Variants in PPP1R1C observed in about 807,000 individuals in gnomAD.
PPP1R1C encodes the protein protein phosphatase 1 regulatory inhibitor subunit 1C, also known as protein phosphatase 1 regulatory subunit 1C.
A neutral mutation model predicts 17.4 loss-of-function variants in PPP1R1C; 15 were observed. That is an observed-to-expected ratio of 0.86 (90% CI 0.58 to 1.33). The LOEUF is 1.33. Among genes scored for constraint, PPP1R1C ranks in the 40% most tolerant of loss-of-function variants. The pLI, the probability that PPP1R1C is intolerant of heterozygous loss-of-function variation, is 0.00. For synonymous variants in PPP1R1C, 35 were observed against 43.1 expected, an observed-to-expected ratio of 0.81 and a Z score of 0.73; for missense variants, 143 against 130.0, an observed-to-expected ratio of 1.10 and a Z score of -0.48.
intron 1 of PPP1R1C, among the ~76,000 whole-genome samples, chr2:181,972,997 T>TA (rs2099351694): frequency 6.6e-6 from 1 of 152,224 alleles, no homozygotes; most frequent in South Asian, 2.1e-4. Context: ...AGTCATATGT[T>TA]ACGCTTTTTA....
intron 2 of PPP1R1C, among the ~76,000 whole-genome samples, chr2:182,019,769 A>G (rs1686360807): frequency 6.6e-6 from 1 of 152,344 alleles, no homozygotes; most frequent in Middle Eastern, 3.4e-3. Context: ...TATGAAAGAC[A>G]TCCAGTTTCA....
chr2:182,004,581 G>A (rs1335182345), intron 2 of PPP1R1C, among the ~76,000 whole-genome samples: 1 of 152,214 alleles, frequency 6.6e-6, no homozygotes, highest in African/African-American at 2.4e-5. Flanking sequence ...GAGATTCAAT[G>A]CTATGAATGG....
intron 2 of PPP1R1C, among the ~76,000 whole-genome samples, chr2:182,039,155 T>C (rs967910633): frequency 7.2e-5 from 11 of 152,248 alleles, no homozygotes; most frequent in African/African-American, 2.4e-4. Context: ...TTCTTTTCTA[T>C]GGTTGCTGTT....
At chr2:182,010,312 C>T (rs1686053054) in intron 2 of PPP1R1C, among the ~76,000 whole-genome samples, 1 of 151,806 alleles carries the variant, frequency 6.6e-6, no homozygotes, top group Non-Finnish European at 1.5e-5. Flanking sequence ...CAAAGTTTTA[C>T]AGTTTTCATT....
chr2:181,987,765 C>CT, intron 1 of PPP1R1C, 74 bp from the exon 2 acceptor site: 1 of 1,490,968 alleles, frequency 6.7e-7, no homozygotes, highest in East Asian at 2.3e-5. Context: ...GGTGAGACAG[C>CT]TTTGCAAGCT....
chr2:182,050,042 C>T (rs748609665), intron 2 of PPP1R1C, among the ~76,000 whole-genome samples: 1 of 152,198 alleles, frequency 6.6e-6, no homozygotes, highest in Non-Finnish European at 1.5e-5. Flanking sequence ...TGTCTCTGCT[C>T]TCTGTAGTTT....
chr2:182,120,873 A>C (rs1689718057), downstream of PPP1R1C, among the ~76,000 whole-genome samples: 1 of 152,168 alleles, frequency 6.6e-6, no homozygotes, highest in Non-Finnish European at 1.5e-5. Context: ...AAGAAATCAA[A>C]ATTAAGAACA....
intron 2 of PPP1R1C, among the ~76,000 whole-genome samples, chr2:182,009,802 T>C (rs1304041925): frequency 1.3e-5 from 2 of 152,142 alleles, no homozygotes; most frequent in African/African-American, 4.8e-5. Context: ...TTTTTGTTTA[T>C]GGTGAGAGAT....
chr2:182,039,375 T>G (rs1407915695), intron 2 of PPP1R1C, among the ~76,000 whole-genome samples: 1 of 147,572 alleles, frequency 6.8e-6, no homozygotes, highest in Non-Finnish European at 1.5e-5. Context: ...GGTTTTGGGT[T>G]GTTGTTGTTG....
At chr2:181,986,231 G>A in intron 1 of PPP1R1C, 40 bp downstream of exon 1, 1 of 1,432,986 alleles carries the variant, frequency 7.0e-7, no homozygotes, top group Non-Finnish European at 9.9e-7. Context: ...TGTACATAAG[G>A]TAATATGAAC....
chr2:182,082,869 T>C (rs1468038587), intron 4 of PPP1R1C, among the ~76,000 whole-genome samples: 1 of 152,034 alleles, frequency 6.6e-6, no homozygotes, highest in Non-Finnish European at 1.5e-5. Context: ...AAGGTACCTG[T>C]TGGGAAGCTG....
At chr2:182,119,624 T>A (rs372989613), downstream of PPP1R1C, among the ~76,000 whole-genome samples, 4,654 of 152,284 alleles carry the variant, frequency 0.031, 219 homozygotes, top group Admixed American at 0.13. Flanking sequence ...GGTATCTCAT[T>A]GTGGTTTTGA....
At chr2:182,007,168 A>G (rs1685947814) in intron 2 of PPP1R1C, among the ~76,000 whole-genome samples, 2 of 152,260 alleles carry the variant, frequency 1.3e-5, no homozygotes, top group South Asian at 4.1e-4. Flanking sequence ...AAGAAGTTTG[A>G]TAAGATGACA....
intron 2 of PPP1R1C, among the ~76,000 whole-genome samples, chr2:182,009,569 G>A (rs867884169): frequency 3.3e-5 from 5 of 151,980 alleles, no homozygotes; most frequent in South Asian, 2.1e-4. Context: ...TCTCCCATTC[G>A]GTGGGGGTGT....
At chr2:182,066,022 T>C (rs959339027) in intron 4 of PPP1R1C, among the ~76,000 whole-genome samples, 1 of 152,112 alleles carries the variant, frequency 6.6e-6, no homozygotes, top group Admixed American at 6.6e-5. Flanking sequence ...TGTGTTCTGA[T>C]CAGAAACTTG....
chr2:182,008,710 G>A (rs1307743670), intron 2 of PPP1R1C, among the ~76,000 whole-genome samples: 2 of 152,090 alleles, frequency 1.3e-5, no homozygotes, highest in Admixed American at 1.3e-4. Flanking sequence ...ATTTTAAAAT[G>A]CACAATAAAT....
intron 2 of PPP1R1C, among the ~76,000 whole-genome samples, chr2:182,052,735 A>C (rs1271770373): frequency 6.6e-6 from 1 of 152,244 alleles, no homozygotes; most frequent in Non-Finnish European, 1.5e-5. Context: ...TAGGATTAGT[A>C]TTTGTGTTTT....
At chr2:182,114,601 C>A (rs1689528298) in intron 4 of PPP1R1C, among the ~76,000 whole-genome samples, 1 of 152,092 alleles carries the variant, frequency 6.6e-6, no homozygotes, top group African/African-American at 2.4e-5. Flanking sequence ...CACACATCAA[C>A]CAATTGTTCA....
At chr2:182,037,904 T>A (rs1687061890) in intron 2 of PPP1R1C, among the ~76,000 whole-genome samples, 1 of 152,170 alleles carries the variant, frequency 6.6e-6, no homozygotes, top group African/African-American at 2.4e-5. Context: ...TTGATCAAAG[T>A]CATGCTGAAA....
Sources: gnomAD v4.1 joint callset for allele counts (sites outside exome capture counted in the v4.1 genomes callset) on GRCh38, gnomAD v4.1.1 for gene constraint, MANE v1.5 for transcripts, NCBI Gene and HGNC (gene_info 2026-07-23, HGNC 2026-07-21) for gene names.